PDE8A: variants seen among roughly 807,000 people sequenced by gnomAD.
The protein encoded by PDE8A is phosphodiesterase 8A.
A neutral mutation model predicts 105.0 loss-of-function variants in PDE8A; 59 were observed. The ratio of observed to expected loss-of-function variants is 0.56; its 90% CI spans 0.46 to 0.70. PDE8A has a LOEUF of 0.70. PDE8A is among the 30% of genes least tolerant of loss of function. The pLI is 0.00. For missense variants in PDE8A, 1,014 were observed against 1,045.9 expected, an observed-to-expected ratio of 0.97 and a Z score of 0.42; for synonymous variants, 355 against 371.9, an observed-to-expected ratio of 0.95 and a Z score of 0.52.
At chr15:85,037,750 A>T (rs1023026549) in intron 1 of PDE8A, among the ~76,000 whole-genome samples, 1 of 152,200 alleles carries the variant, frequency 6.6e-6, no homozygotes, top group African/African-American at 2.4e-5. Flanking sequence ...AGAGGAAATG[A>T]TATCAGCAGA....
intron 5 of PDE8A, among the ~76,000 whole-genome samples, chr15:85,083,157 C>A (rs3816104): frequency 0.46 from 70,658 of 152,070 alleles, 16,542 homozygotes; most frequent in Middle Eastern, 0.54. Flanking sequence ...GACTTTAAAG[C>A]GGACCAAATA....
intron 1 of PDE8A, among the ~76,000 whole-genome samples, chr15:85,018,457 A>G (rs1029401212): frequency 1.3e-5 from 2 of 152,222 alleles, no homozygotes; most frequent in Non-Finnish European, 2.9e-5. Context: ...ACTTTAAGCA[A>G]CGTCAATCTC....
intron 1 of PDE8A, among the ~76,000 whole-genome samples, chr15:84,986,305 C>G (rs2079801337): frequency 6.6e-6 from 1 of 152,228 alleles, no homozygotes; most frequent in Non-Finnish European, 1.5e-5. Flanking sequence ...AAGCCAACCT[C>G]TAATCGAGTG....
chr15:85,121,171 T>C (rs10152517), intron 18 of PDE8A, among the ~76,000 whole-genome samples, 157 bp downstream of exon 18: 14,085 of 152,082 alleles, frequency 0.093, 1,780 homozygotes, highest in African/African-American at 0.29. Flanking sequence ...TCCCAGCACT[T>C]TGGGAGGCTG....
At chr15:85,050,894 T>C (rs1349295944) in intron 1 of PDE8A, among the ~76,000 whole-genome samples, 1 of 152,220 alleles carries the variant, frequency 6.6e-6, no homozygotes, top group African/African-American at 2.4e-5. Flanking sequence ...TATAGATTGC[T>C]CTGAGTAGTA....
intron 1 of PDE8A, among the ~76,000 whole-genome samples, chr15:85,058,061 C>G (rs1246190495): frequency 6.6e-6 from 1 of 151,992 alleles, no homozygotes; most frequent in East Asian, 1.9e-4. Flanking sequence ...ACTTTGTTAC[C>G]TAGGCTGGAA....
At chr15:85,037,143 G>T (rs1182857786) in intron 1 of PDE8A, among the ~76,000 whole-genome samples, 1 of 149,946 alleles carries the variant, frequency 6.7e-6, no homozygotes, top group Non-Finnish European at 1.5e-5. Flanking sequence ...TTGGCTCACT[G>T]CAACCTCTCC....
Position 85,100,007 on chromosome 15 carries a change from A to T in PDE8A, c.942-8A>T. ...GAAGAGAAATAATGCATTGTTTTTTACTTGCAGAAAAATTAGACACTATGT... is the reference window on the plus strand; with the variant it reads ...GAAGAGAAATAATGCATTGTTTTTTTCTTGCAGAAAAATTAGACACTATGT... On this transcript the variant is annotated splice_region_variant and splice_polypyrimidine_tract_variant and intron_variant, in intron 9 of 21. Transcript: ENST00000394553. 6 of 1,603,982 alleles carry T rather than the reference A, an allele frequency of 3.7e-6. No homozygotes were observed. The highest frequency in any genetic ancestry group is 1.3e-5 in the African/African-American group (1 of 74,660).
At chr15:85,003,506 A>C (rs2080098468) in intron 1 of PDE8A, among the ~76,000 whole-genome samples, 1 of 152,158 alleles carries the variant, frequency 6.6e-6, no homozygotes, top group African/African-American at 2.4e-5. Flanking sequence ...CCCTCAGAGG[A>C]GGTGAGGGTA....
At chr15:85,080,099 AGATATT>A (rs1040639841) in intron 5 of PDE8A, among the ~76,000 whole-genome samples, 10 of 152,216 alleles carry the variant, frequency 6.6e-5, no homozygotes, top group Middle Eastern at 3.2e-3. Flanking sequence ...AAAAGAACAC[AGATATT>A]GATATTGATA....
chr15:85,002,308 T>C (rs766818244), intron 1 of PDE8A, among the ~76,000 whole-genome samples: 10 of 152,204 alleles, frequency 6.6e-5, no homozygotes, highest in Non-Finnish European at 1.2e-4. Flanking sequence ...CTAGACTGGC[T>C]CACAGTTTAC....
chr15:85,006,210 A>T (rs1761684124), intron 1 of PDE8A, among the ~76,000 whole-genome samples: 1 of 152,090 alleles, frequency 6.6e-6, no homozygotes. Context: ...ACATGTATAC[A>T]TATGTAACTA....
chr15:85,132,569 G>C lies in PDE8A; in HGVS notation c.2254-3965G>C, dbSNP rs1425105305. ...CAACCTCTGCCTCTTGGGTTTAAGTGATTCTCCTGCCTCAGCCTCCCAAGT... is the reference window on the plus strand; with the variant it reads ...CAACCTCTGCCTCTTGGGTTTAAGTCATTCTCCTGCCTCAGCCTCCCAAGT... On this transcript the variant is annotated intron_variant, in intron 20 of 21. Coordinates refer to ENST00000394553, the MANE Select transcript of PDE8A (RefSeq NM_002605.3). Among the ~76,000 whole-genome samples, 3 of 152,068 alleles carry C rather than the reference G, an allele frequency of 2.0e-5. No homozygotes were observed. In the East Asian group the frequency reaches 5.8e-4, roughly 29 times the overall value.
At chr15:85,056,572 C>A (rs1227821688) in intron 1 of PDE8A, among the ~76,000 whole-genome samples, 1 of 152,174 alleles carries the variant, frequency 6.6e-6, no homozygotes, top group East Asian at 1.9e-4. Context: ...TCTTCAGTCA[C>A]TGATACCCCT....
chr15:85,060,484 C>T (rs2081126396), intron 1 of PDE8A, among the ~76,000 whole-genome samples: 2 of 152,082 alleles, frequency 1.3e-5, no homozygotes, highest in African/African-American at 4.8e-5. Flanking sequence ...GAACTGTTTA[C>T]ATAGCATTAC....
intron 1 of PDE8A, among the ~76,000 whole-genome samples, chr15:85,061,292 G>C (rs963444569): frequency 1.3e-5 from 2 of 151,780 alleles, no homozygotes; most frequent in Non-Finnish European, 2.9e-5. Context: ...GGAGTGCAAT[G>C]GTGCAGTCTC....
chr15:85,018,928 G>C (rs964342922), intron 1 of PDE8A, among the ~76,000 whole-genome samples: 21 of 152,110 alleles, frequency 1.4e-4, no homozygotes, highest in African/African-American at 5.1e-4. Flanking sequence ...TTTACTCTTT[G>C]TATAATGAAA....
chr15:85,021,599 G>C (rs578243588), intron 1 of PDE8A, among the ~76,000 whole-genome samples: 1 of 151,962 alleles, frequency 6.6e-6, no homozygotes, highest in Non-Finnish European at 1.5e-5. Flanking sequence ...TTTTGTTATA[G>C]CAGCTCAAAC....
In PDE8A at chr15:85,067,221, G is replaced by A; in HGVS notation, c.434+17G>A. 6.3e-7 allele frequency: 1 copy of A among 1,585,970 alleles called. No homozygotes were observed. The highest frequency in any genetic ancestry group is 8.6e-7 in the Non-Finnish European group (1 of 1,162,666). Reference sequence around the variant, plus strand: ...ACTGTGCAGGTAAGCCCAAGACTCGGGCCTAAATAGTCCCATTGGCCTTTC... The same window carrying A: ...ACTGTGCAGGTAAGCCCAAGACTCGAGCCTAAATAGTCCCATTGGCCTTTC... On this transcript the variant is annotated intron_variant, in intron 3 of 21. Transcript: ENST00000394553.
Sources: gnomAD v4.1 joint callset for allele counts (sites outside exome capture counted in the v4.1 genomes callset) on GRCh38, gnomAD v4.1.1 for gene constraint, MANE v1.5 for transcripts, NCBI Gene and HGNC (gene_info 2026-07-23, HGNC 2026-07-21) for gene names.